Variants in EFCAB11 observed in about 807,000 individuals in gnomAD.
EFCAB11 encodes the protein EF-hand calcium binding domain 11.
In EFCAB11, 14 loss-of-function variants were observed where a neutral mutation model predicts 23.0. The ratio of observed to expected loss-of-function variants is 0.61; its 90% CI spans 0.40 to 0.95. EFCAB11 has a LOEUF of 0.95. Ranked by LOEUF, EFCAB11 falls within the 40% of genes least tolerant of loss-of-function variation. The probability of loss-of-function intolerance (pLI) is 0.00; values close to 1 mark genes in which losing one functional copy is unlikely to be tolerated. For synonymous variants in EFCAB11, 65 were observed against 66.6 expected (o/e 0.98, Z 0.11); for missense variants, 198 against 195.8 (o/e 1.01, Z -0.07).
intron 5 of EFCAB11, among the ~76,000 whole-genome samples, chr14:89,898,667 T>C (rs76144634): frequency 5.0e-4 from 9 of 18,114 alleles, no homozygotes; most frequent in South Asian, 5.9e-3. Flanking sequence ...GCCTGGCCTC[T>C]TTTTTTTTTT....
intron 2 of EFCAB11, among the ~76,000 whole-genome samples, chr14:89,951,950 A>C (rs1176963354): frequency 6.6e-6 from 1 of 152,142 alleles, no homozygotes; most frequent in African/African-American, 2.4e-5. Flanking sequence ...TTAATTATGT[A>C]AAAAACTGCA....
At chr14:89,891,502 T>C (rs762895573) in intron 5 of EFCAB11, among the ~76,000 whole-genome samples, 5 of 151,900 alleles carry the variant, frequency 3.3e-5, no homozygotes, top group Non-Finnish European at 7.4e-5. Context: ...AAGCAAGAGG[T>C]TTCTGATTAT....
At chr14:89,951,404 C>T (rs1891161076) in intron 2 of EFCAB11, among the ~76,000 whole-genome samples, 1 of 152,120 alleles carries the variant, frequency 6.6e-6, no homozygotes, top group African/African-American at 2.4e-5. Flanking sequence ...AATGACCACC[C>T]AGACTGTTAT....
chr14:89,829,265 C>G (rs979362561), intron 5 of EFCAB11, among the ~76,000 whole-genome samples: 6 of 152,172 alleles, frequency 3.9e-5, no homozygotes, highest in East Asian at 1.9e-4. Context: ...TTTTGTTTCT[C>G]TCATGAGGAG....
intron 5 of EFCAB11, among the ~76,000 whole-genome samples, chr14:89,838,980 T>C (rs1445807958): frequency 6.6e-6 from 1 of 152,168 alleles, no homozygotes; most frequent in Non-Finnish European, 1.5e-5. Flanking sequence ...GTAGTTTTGA[T>C]GATGGCAGGG....
At chr14:89,890,344 C>G (rs376962295) in intron 5 of EFCAB11, among the ~76,000 whole-genome samples, 1 of 152,104 alleles carries the variant, frequency 6.6e-6, no homozygotes, top group Admixed American at 6.6e-5. Context: ...GTCAGAAATA[C>G]TTGGTCATAT....
At chr14:89,816,018 G>A (rs966675452) in intron 5 of EFCAB11, among the ~76,000 whole-genome samples, 1 of 152,144 alleles carries the variant, frequency 6.6e-6, no homozygotes, top group Non-Finnish European at 1.5e-5. Flanking sequence ...CAATCCATGA[G>A]CATGGGGTAT....
chr14:89,877,143 G>A (rs533780483), intron 5 of EFCAB11, among the ~76,000 whole-genome samples: 2 of 151,982 alleles, frequency 1.3e-5, no homozygotes, highest in Non-Finnish European at 2.9e-5. Context: ...GGGTTCAAGC[G>A]ATTCTCCTCC....
At chr14:89,802,972 G>T (rs1440264246) in intron 5 of EFCAB11, among the ~76,000 whole-genome samples, 1 of 152,164 alleles carries the variant, frequency 6.6e-6, no homozygotes, top group African/African-American at 2.4e-5. Flanking sequence ...ACCAGACAAT[G>T]CTCTGATATA....
At chr14:89,920,836 G>C (rs57859868) in intron 5 of EFCAB11, among the ~76,000 whole-genome samples, 27,692 of 152,088 alleles carry the variant, frequency 0.18, 5,931 homozygotes, top group African/African-American at 0.52. Flanking sequence ...AGTCCGAGGA[G>C]GGTGGATCAC....
chr14:89,910,443 C>T (rs1212606105), intron 5 of EFCAB11, among the ~76,000 whole-genome samples: 1 of 152,050 alleles, frequency 6.6e-6, no homozygotes, highest in Non-Finnish European at 1.5e-5. Context: ...ACTAAAAATA[C>T]AAAAATTTGC....
intron 5 of EFCAB11, among the ~76,000 whole-genome samples, chr14:89,915,107 A>G (rs1889796759): frequency 6.6e-6 from 1 of 152,194 alleles, no homozygotes; most frequent in Non-Finnish European, 1.5e-5. Context: ...ATAGCCAGGA[A>G]CATCACTCTT....
chr14:89,897,728 C>T (rs987847622), intron 5 of EFCAB11, among the ~76,000 whole-genome samples: 4 of 152,128 alleles, frequency 2.6e-5, no homozygotes, highest in African/African-American at 9.7e-5. Context: ...ATTAACTATA[C>T]ACATTTACAA....
At chr14:89,868,325 T>C (rs1888159838) in intron 5 of EFCAB11, among the ~76,000 whole-genome samples, 1 of 152,214 alleles carries the variant, frequency 6.6e-6, no homozygotes. Flanking sequence ...TGGAGTGGTT[T>C]GCACTTCAAA....
chr14:89,929,150 G>A (rs1193716183), intron 5 of EFCAB11, among the ~76,000 whole-genome samples: 9 of 151,550 alleles, frequency 5.9e-5, no homozygotes, highest in African/African-American at 1.9e-4. Flanking sequence ...GGGCTCAAGA[G>A]ATCCTCCCAT....
chr14:89,865,800 G>A (rs200901732), intron 5 of EFCAB11, among the ~76,000 whole-genome samples: 1 of 150,528 alleles, frequency 6.6e-6, no homozygotes, highest in East Asian at 2.0e-4. Flanking sequence ...AAGTTGGTGG[G>A]ATTACAGGCG....
chr14:89,849,096 T>C (rs1229867958), intron 5 of EFCAB11, among the ~76,000 whole-genome samples: 3 of 152,220 alleles, frequency 2.0e-5, no homozygotes, highest in African/African-American at 7.2e-5. Context: ...AGGCTATTAG[T>C]TCCAATGTTT....
intron 5 of EFCAB11, among the ~76,000 whole-genome samples, chr14:89,851,297 A>G (rs992112978): frequency 4.6e-5 from 7 of 152,226 alleles, no homozygotes; most frequent in Non-Finnish European, 1.5e-5. Context: ...TTTGTTCAGA[A>G]AAGATTTCCT....
At chr14:89,908,681 C>T (rs944115088) in intron 5 of EFCAB11, among the ~76,000 whole-genome samples, 4 of 152,190 alleles carry the variant, frequency 2.6e-5, no homozygotes, top group African/African-American at 9.7e-5. Flanking sequence ...ATAAGAGATA[C>T]TCAACCTGTA....
Sources: gnomAD v4.1 joint callset for allele counts (sites outside exome capture counted in the v4.1 genomes callset) on GRCh38, gnomAD v4.1.1 for gene constraint, MANE v1.5 for transcripts, NCBI Gene and HGNC (gene_info 2026-07-23, HGNC 2026-07-21) for gene names.